ZNF407: variants seen among roughly 807,000 people sequenced by gnomAD.
ZNF407 encodes the protein zinc finger protein 407.
Under a neutral mutation model 131.2 loss-of-function variants are expected in ZNF407, and 17 were observed. The observed-to-expected ratio is 0.13, with a 90% CI of 0.09 to 0.19. ZNF407 has a LOEUF of 0.19. ZNF407 is among the 10% of genes least tolerant of loss of function. ZNF407 has a pLI of 1.00. For missense variants in ZNF407, 2,681 were observed against 2,830.6 expected, an observed-to-expected ratio of 0.95 and a Z score of 1.20; for synonymous variants, 1,156 against 1,062.0, an observed-to-expected ratio of 1.09 and a Z score of -1.72.
intron 1 of ZNF407, among the ~76,000 whole-genome samples, chr18:74,612,471 G>A (rs1983106123): frequency 1.3e-5 from 2 of 152,134 alleles, no homozygotes; most frequent in South Asian, 4.1e-4. Context: ...TCTACGTAGG[G>A]ACTTTTCTGT....
intron 4 of ZNF407, among the ~76,000 whole-genome samples, chr18:74,832,613 TATG>T (rs1157070832): frequency 1.3e-5 from 2 of 152,120 alleles, no homozygotes; most frequent in African/African-American, 4.8e-5. Flanking sequence ...TGATTTCAAA[TATG>T]ATGATATCAT....
At chr18:75,023,580 T>C (rs1973137042) in intron 8 of ZNF407, among the ~76,000 whole-genome samples, 1 of 152,218 alleles carries the variant, frequency 6.6e-6, no homozygotes, top group Non-Finnish European at 1.5e-5. Context: ...AGCTACCCTC[T>C]GATTTAACTG....
intron 4 of ZNF407, among the ~76,000 whole-genome samples, chr18:74,806,461 T>C (rs1970111055): frequency 6.6e-6 from 1 of 152,210 alleles, no homozygotes; most frequent in African/African-American, 2.4e-5. Flanking sequence ...TGAGTTCCAG[T>C]TGGTCCCTAA....
At chr18:74,916,452 GGTT>G (rs551383604) in intron 7 of ZNF407, among the ~76,000 whole-genome samples, 154 of 137,760 alleles carry the variant, frequency 1.1e-3, no homozygotes, top group Non-Finnish European at 2.0e-3. Context: ...GGTATGGTGA[GGTT>G]GTGTGCAGCA....
intron 4 of ZNF407, among the ~76,000 whole-genome samples, chr18:74,796,922 TAAG>T (rs1330339885): frequency 6.6e-6 from 1 of 152,150 alleles, no homozygotes; most frequent in African/African-American, 2.4e-5. Context: ...CAGCAAATGT[TAAG>T]AAAGTACGGC....
At chr18:74,749,954 A>G (rs1190922238) in intron 3 of ZNF407, among the ~76,000 whole-genome samples, 4 of 152,184 alleles carry the variant, frequency 2.6e-5, no homozygotes, top group Non-Finnish European at 5.9e-5. Flanking sequence ...TTTCTAAGGC[A>G]GAAGAGAGGC....
intron 3 of ZNF407, among the ~76,000 whole-genome samples, chr18:74,713,842 T>G (rs531071194): frequency 6.6e-6 from 1 of 152,310 alleles, no homozygotes; most frequent in African/African-American, 2.4e-5. Context: ...GCAATAGCCC[T>G]TTCTTTCTAA....
intron 3 of ZNF407, among the ~76,000 whole-genome samples, chr18:74,762,426 G>C (rs1036247421): frequency 1.3e-5 from 2 of 151,816 alleles, no homozygotes; most frequent in Non-Finnish European, 2.9e-5. Context: ...TATTACATAC[G>C]GAAATCTGTA....
chr18:74,648,867 A>G (rs151085992), intron 3 of ZNF407, among the ~76,000 whole-genome samples: 1 of 152,312 alleles, frequency 6.6e-6, no homozygotes, highest in Non-Finnish European at 1.5e-5. Flanking sequence ...AAAAGTATGT[A>G]CTGTGTAGTA....
At chr18:74,810,632 C>G (rs773886217) in intron 4 of ZNF407, among the ~76,000 whole-genome samples, 6 of 152,136 alleles carry the variant, frequency 3.9e-5, no homozygotes, top group African/African-American at 1.4e-4. Context: ...TCTCTGTTCT[C>G]TAGTTTTGAG....
chr18:74,673,713 TA>T (rs1323803913), intron 3 of ZNF407, among the ~76,000 whole-genome samples: 1 of 152,234 alleles, frequency 6.6e-6, no homozygotes, highest in African/African-American at 2.4e-5. Context: ...TTAGCTTTAG[TA>T]GAAAAATTCT....
chr18:74,936,780 G>A (rs971131648), intron 8 of ZNF407, among the ~76,000 whole-genome samples: 1 of 152,148 alleles, frequency 6.6e-6, no homozygotes, highest in Admixed American at 6.5e-5. Flanking sequence ...CAGAAATATG[G>A]TCATATGAAC....
At chr18:75,049,275 G>A (rs1283667354) in intron 8 of ZNF407, among the ~76,000 whole-genome samples, 1 of 152,182 alleles carries the variant, frequency 6.6e-6, no homozygotes, top group African/African-American at 2.4e-5. Context: ...AAGAGCTGAA[G>A]CCAGAGATTG....
intron 4 of ZNF407, among the ~76,000 whole-genome samples, chr18:74,788,776 T>G (rs1427595281): frequency 6.7e-6 from 1 of 150,060 alleles, no homozygotes; most frequent in African/African-American, 2.4e-5. Context: ...GAAGTTTCTG[T>G]GTATCCTGAG....
chr18:74,617,095 CA>C (rs1482716645), intron 1 of ZNF407, among the ~76,000 whole-genome samples: 24 of 198 alleles, frequency 0.12, no homozygotes, highest in Non-Finnish European at 0.13. Context: ...ATCCATGCAC[CA>C]ACACATCCAT....
intron 3 of ZNF407, among the ~76,000 whole-genome samples, chr18:74,719,156 C>T (rs1967965957): frequency 1.2e-5 from 1 of 82,822 alleles, no homozygotes; most frequent in African/African-American, 3.8e-5. Flanking sequence ...TGTCCATCAT[C>T]TCAGACATTT....
At chr18:74,796,004 A>T (rs1027492593) in intron 4 of ZNF407, among the ~76,000 whole-genome samples, 2 of 152,214 alleles carry the variant, frequency 1.3e-5, no homozygotes, top group Non-Finnish European at 2.9e-5. Context: ...TCTGGAAAGT[A>T]ATTTTGGAAC....
At chr18:75,038,932 C>T (rs1973341299) in intron 8 of ZNF407, among the ~76,000 whole-genome samples, 1 of 152,148 alleles carries the variant, frequency 6.6e-6, no homozygotes, top group Non-Finnish European at 1.5e-5. Context: ...ATCAAGAACT[C>T]GCAGCACTTC....
At chr18:74,983,109 A>T (rs1277995603) in intron 8 of ZNF407, among the ~76,000 whole-genome samples, 1 of 152,196 alleles carries the variant, frequency 6.6e-6, no homozygotes, top group Non-Finnish European at 1.5e-5. Context: ...GGCAGAAAAC[A>T]CTTTCCTATT....
Sources: gnomAD v4.1 joint callset for allele counts (sites outside exome capture counted in the v4.1 genomes callset) on GRCh38, gnomAD v4.1.1 for gene constraint, MANE v1.5 for transcripts, NCBI Gene and HGNC (gene_info 2026-07-23, HGNC 2026-07-21) for gene names.